The following KIF27 variants were observed in gnomAD, a reference collection of about 807,000 sequenced individuals.
KIF27 encodes kinesin-like protein KIF27.
Under a neutral mutation model 141.8 loss-of-function variants are expected in KIF27, and 84 were observed. The observed-to-expected ratio is 0.59, with a 90% CI of 0.50 to 0.71. The LOEUF (loss-of-function observed/expected upper bound fraction) is 0.71. KIF27 is among the 30% of genes least tolerant of loss of function. KIF27 has a pLI of 0.00. For missense variants in KIF27, 1,306 were observed against 1,628.4 expected (o/e 0.80, Z 3.41); for synonymous variants, 471 against 569.5 (o/e 0.83, Z 2.46).
rs1286243481 is a variant in KIF27 at position 83,883,931 on chromosome 9, A to G, written c.2327T>C (p.Ile776Thr). The change falls in exon 10 of 18, where the codon ATT becomes ACT. Residue 776 changes from isoleucine to threonine, a missense_variant. Physicochemically the swap from Ile to Thr is moderately conservative, Grantham distance 89. Transcript: ENST00000297814. Reference protein sequence around the residue: ...HDAEQAKVELIETQKQLQELE... With the variant: ...HDAEQAKVELTETQKQLQELE... The stretch of plus-strand genomic sequence containing the variant: ...CTCCTGTAGCTGCTTTTGTGTTTCA[A>G]TCAGTTCGACTTTTGCCTGTTCTGC... 6.8e-6 allele frequency: 11 copies of G among 1,613,562 alleles called. No individual in the cohort carries two copies. Among genetic ancestry groups the G allele is most frequent in the African/African-American group, 2.7e-5 (2 of 74,900 alleles).
At position 83,876,394 on chromosome 9, in the gene KIF27, C is replaced by T. The variant is rs148321551; in HGVS notation, c.2643+3903G>A. Among the ~76,000 whole-genome samples, 258 of 152,304 alleles carry T rather than the reference C, an allele frequency of 1.7e-3. 1 individual carries two copies. The highest frequency in any genetic ancestry group is 5.8e-3 in the African/African-American group (240 of 41,568). ...ACTACTGGTACACTAAAAATTACGA[C>T]ATTGCTGAAAGAAATTAATGAAGAC... On this transcript the variant is annotated intron_variant, in intron 11 of 17. Transcript: ENST00000297814.
chr9:83,845,907 C>T (rs1947215303), intron 16 of KIF27, among the ~76,000 whole-genome samples: 1 of 152,172 alleles, frequency 6.6e-6, no homozygotes, highest in African/African-American at 2.4e-5. Context: ...CAAGTGAGTG[C>T]TCACCAACGG....
intron 5 of KIF27, 148 bp from the exon 6 acceptor site, chr9:83,891,649 T>C (rs1185366528): frequency 5.1e-6 from 4 of 787,320 alleles, no homozygotes; most frequent in Admixed American, 5.8e-5. Flanking sequence ...CTCTCTGGTG[T>C]TCACAAGTAA....
chr9:83,861,693 C>T (rs920376457), intron 13 of KIF27, among the ~76,000 whole-genome samples: 7 of 151,570 alleles, frequency 4.6e-5, no homozygotes, highest in African/African-American at 1.2e-4. Context: ...GGTATATACC[C>T]AGTAATGGGA....
At chr9:83,904,133 C>T in intron 3 of KIF27, 115 bp from the exon 4 acceptor site, 2 of 655,500 alleles carry the variant, frequency 3.1e-6, no homozygotes, top group Non-Finnish European at 5.1e-6. Context: ...AAAAAGTCAA[C>T]AGCATTTCAG....
intron 17 of KIF27, among the ~76,000 whole-genome samples, chr9:83,838,036 CT>C (rs989632478): frequency 3.3e-5 from 5 of 152,146 alleles, no homozygotes; most frequent in Non-Finnish European, 5.9e-5. Context: ...AGAATATGCC[CT>C]TGGTGGGGAC....
intron 5 of KIF27, among the ~76,000 whole-genome samples, chr9:83,894,214 TA>T (rs1952950588): frequency 6.6e-6 from 1 of 152,274 alleles, no homozygotes; most frequent in East Asian, 1.9e-4. Flanking sequence ...TTTCCAGGTA[TA>T]GGGGGAATTA....
intron 5 of KIF27, among the ~76,000 whole-genome samples, chr9:83,895,095 CAAA>C (rs757270382): frequency 9.2e-6 from 1 of 108,348 alleles, no homozygotes. Context: ...ACTAAAAATG[CAAA>C]AAAAAAAAAA....
intron 1 of KIF27, among the ~76,000 whole-genome samples, chr9:83,918,143 T>C (rs1231654992): frequency 6.6e-6 from 1 of 152,030 alleles, no homozygotes; most frequent in Non-Finnish European, 1.5e-5. Flanking sequence ...AGCATGGTAG[T>C]ACGCACCTGT....
At chr9:83,886,924 C>T (rs1429094761) in intron 9 of KIF27, 117 bp downstream of exon 9, 2 of 1,144,264 alleles carry the variant, frequency 1.7e-6, no homozygotes, top group African/African-American at 1.6e-5. Flanking sequence ...CTTGTTACAC[C>T]AATCCAAGCT....
intron 12 of KIF27, among the ~76,000 whole-genome samples, chr9:83,870,121 G>C (rs1307105537): frequency 1.3e-5 from 2 of 151,896 alleles, no homozygotes; most frequent in East Asian, 3.9e-4. Flanking sequence ...GAGTCCACCA[G>C]TTTTTACATC....
chr9:83,913,175 C>T (rs1235577846), intron 2 of KIF27, among the ~76,000 whole-genome samples: 1 of 151,346 alleles, frequency 6.6e-6, no homozygotes, highest in Non-Finnish European at 1.5e-5. Context: ...AAAGCAAAAT[C>T]AAAAACAAAA....
chr9:83,849,314 G>A (rs1380646729), intron 16 of KIF27: 2 of 152,178 alleles, frequency 1.3e-5, no homozygotes, highest in South Asian at 2.1e-4. Context: ...AATTAACTTA[G>A]AAGCAAATTG....
At chr9:83,910,392 T>C (rs528459236) in intron 2 of KIF27, among the ~76,000 whole-genome samples, 7 of 152,378 alleles carry the variant, frequency 4.6e-5, no homozygotes, top group Admixed American at 6.5e-5. Flanking sequence ...TCATTTATTA[T>C]GGTCTGGGTG....
intron 2 of KIF27, among the ~76,000 whole-genome samples, chr9:83,912,573 A>C (rs1955278258): frequency 6.6e-6 from 1 of 152,244 alleles, no homozygotes; most frequent in Admixed American, 6.5e-5. Flanking sequence ...TAGATAACAA[A>C]GCACAATTTA....
At chr9:83,894,355 T>A (rs1952966517) in intron 5 of KIF27, among the ~76,000 whole-genome samples, 2 of 152,208 alleles carry the variant, frequency 1.3e-5, no homozygotes, top group Non-Finnish European at 2.9e-5. Flanking sequence ...CTAGGTCAAT[T>A]GTGCAGAAGA....
chr9:83,847,335 CCT>C (rs1191793201), intron 16 of KIF27, among the ~76,000 whole-genome samples: 3 of 152,126 alleles, frequency 2.0e-5, no homozygotes, highest in African/African-American at 4.8e-5. Flanking sequence ...CATTTTATTT[CCT>C]TTTTCCTTTA....
At chr9:83,877,949 T>C (rs1951336419) in intron 11 of KIF27, among the ~76,000 whole-genome samples, 1 of 151,766 alleles carries the variant, frequency 6.6e-6, no homozygotes, top group East Asian at 1.9e-4. Context: ...AAAACCACAA[T>C]GAGATACAAC....
At chr9:83,894,450 T>C (rs1007205728) in intron 5 of KIF27, among the ~76,000 whole-genome samples, 5 of 152,200 alleles carry the variant, frequency 3.3e-5, no homozygotes, top group African/African-American at 1.2e-4. Context: ...TTTGGGAGTG[T>C]TTCTTAAACA....
Sources: gnomAD v4.1 joint callset for allele counts (sites outside exome capture counted in the v4.1 genomes callset) on GRCh38, gnomAD v4.1.1 for gene constraint, MANE v1.5 for transcripts, NCBI Gene and HGNC (gene_info 2026-07-23, HGNC 2026-07-21) for gene names.